Variants in DMXL2 observed in about 807,000 individuals in gnomAD.
DMXL2 encodes dmX-like protein 2.
A neutral mutation model predicts 331.1 loss-of-function variants in DMXL2; 103 were observed. The ratio of observed to expected loss-of-function variants is 0.31; its 90% CI spans 0.27 to 0.37. The LOEUF (loss-of-function observed/expected upper bound fraction) is 0.37. DMXL2 is among the 10% of genes least tolerant of loss of function. The pLI is 1.00. For synonymous variants in DMXL2, 1,281 were observed against 1,252.1 expected (o/e 1.02, Z -0.49); for missense variants, 3,171 against 3,642.9 (o/e 0.87, Z 3.33).
In DMXL2 at chr15:51,499,161, A is replaced by G; in HGVS notation, c.4063T>C (p.Leu1355=). 1 of 1,614,070 alleles carries G rather than the reference A, an allele frequency of 6.2e-7. No individual in the cohort carries two copies. The highest frequency in any genetic ancestry group is 8.5e-7 in the Non-Finnish European group (1 of 1,179,986). ...CTTCGCACTTTCCCTAAATCCATCAATTCTAACAGCTGAGTTGGATGATAT... is the reference window on the plus strand; with the variant it reads ...CTTCGCACTTTCCCTAAATCCATCAGTTCTAACAGCTGAGTTGGATGATAT... ...PQYHPTQLLE[L]MDLGKVRRAK... The change falls in exon 18 of 44, where the codon TTG becomes CTG. Residue 1355 remains leucine (L), a synonymous_variant. Transcript: ENST00000560891.
intron 20 of DMXL2, among the ~76,000 whole-genome samples, chr15:51,491,049 G>A (rs564063258): frequency 2.7e-4 from 41 of 152,114 alleles, no homozygotes; most frequent in Middle Eastern, 3.4e-3. Flanking sequence ...ATTATTCCAC[G>A]GATATATTAT....
chr15:51,613,938 C>T (rs948375940), intron 1 of DMXL2, among the ~76,000 whole-genome samples: 3 of 152,150 alleles, frequency 2.0e-5, no homozygotes, highest in African/African-American at 7.2e-5. Flanking sequence ...TTTTCAATTC[C>T]AGGACCAGCT....
At chr15:51,594,286 C>A (rs926019288) in intron 1 of DMXL2, among the ~76,000 whole-genome samples, 1 of 152,156 alleles carries the variant, frequency 6.6e-6, no homozygotes, top group Non-Finnish European at 1.5e-5. Context: ...ACTATAAACA[C>A]CTCTACACAA....
chr15:51,615,020 G>A (rs1241211153), intron 1 of DMXL2, among the ~76,000 whole-genome samples: 4 of 152,154 alleles, frequency 2.6e-5, no homozygotes, highest in East Asian at 3.8e-4. Flanking sequence ...GATTCTGGAC[G>A]CATTTTGAAG....
intron 29 of DMXL2, among the ~76,000 whole-genome samples, chr15:51,470,815 T>C (rs1364067553): frequency 1.3e-5 from 2 of 152,152 alleles, no homozygotes; most frequent in African/African-American, 4.8e-5. Flanking sequence ...CAGAGATGTA[T>C]CATGGGGCCT....
At position 51,575,968 on chromosome 15, in the gene DMXL2, C is replaced by G. The variant is rs536480409; in HGVS notation, c.213+88G>C. ...CCCAAGCAATACATAAGAAATTATA[C>G]GCAAGCTTTGCATAAAAGGATAAGA... is the stretch of plus-strand genomic sequence containing the variant. On this transcript the variant is annotated intron_variant, in intron 2 of 43. Coordinates refer to ENST00000560891, the MANE Select transcript of DMXL2 (RefSeq NM_001378457.1). The G allele has an allele frequency of 5.3e-6, 7 of 1,325,324 alleles. No homozygotes were observed. In the African/African-American group the frequency reaches 1.0e-4, roughly 20 times the overall value. The allele number at this position is 1,325,324 out of a possible 1,614,324, so 82.1% of individuals were successfully genotyped here.
chr15:51,552,351 G>C (rs2049275667), intron 6 of DMXL2, among the ~76,000 whole-genome samples: 1 of 152,178 alleles, frequency 6.6e-6, no homozygotes, highest in Non-Finnish European at 1.5e-5. Context: ...CTACTGTAAA[G>C]GTCTGCAGCC....
chr15:51,593,732 A>C (rs2052575073), intron 1 of DMXL2, among the ~76,000 whole-genome samples: 2 of 152,254 alleles, frequency 1.3e-5, no homozygotes, highest in Admixed American at 6.5e-5. Flanking sequence ...ACCACAGTGC[A>C]ATCAAACTAG....
At chr15:51,486,043 G>T in intron 23 of DMXL2, 30 bp downstream of exon 23, 2 of 1,530,240 alleles carry the variant, frequency 1.3e-6, no homozygotes, top group Non-Finnish European at 8.8e-7. Flanking sequence ...CTTTAAAAAA[G>T]AAAAAAAAGA....
At position 51,480,825 on chromosome 15, in the gene DMXL2, A is replaced by G; in HGVS notation, c.6281T>C (p.Ile2094Thr). 1 of 1,612,498 alleles carries G rather than the reference A, an allele frequency of 6.2e-7. No individual in the cohort carries two copies. The highest frequency in any genetic ancestry group is 8.5e-7 in the Non-Finnish European group (1 of 1,179,350). ...LHEICNHESVIKEYSSKTYSK... is the reference protein window; with the variant it reads ...LHEICNHESVTKEYSSKTYSK... ...ATATGTCTTACTGGAATACTCTTTA[A>G]TAACTGATTCATGATTACATATCTC... Residue 2094 changes from isoleucine (I) to threonine (T), a missense_variant, in exon 24 of 44, where the codon ATT (isoleucine) becomes ACT (threonine). Around this residue, in one of 7 missense-constraint regions of DMXL2, gnomAD observed 197 missense variants for 196.2 expected, o/e 1.00. Coordinates refer to ENST00000560891, the MANE Select transcript of DMXL2 (RefSeq NM_001378457.1).
chr15:51,450,903 T>C (rs565659121), intron 42 of DMXL2, among the ~76,000 whole-genome samples: 1 of 152,044 alleles, frequency 6.6e-6, no homozygotes, highest in East Asian at 1.9e-4. Flanking sequence ...GAGAATTAAC[T>C]ACATATTTCA....
chr15:51,453,580 A>G lies in DMXL2; in HGVS notation c.8666T>C (p.Val2889Ala), dbSNP rs2141195435. ...DFAFITSSSL[V>A]ATSGHSNDNR... ...GTCATTGGAGTGTCCAGATGTGGCAACTAGACTTGAAGAGGTAATAAATGC... is the reference window on the plus strand; with the variant it reads ...GTCATTGGAGTGTCCAGATGTGGCAGCTAGACTTGAAGAGGTAATAAATGC... The change falls in exon 41 of 44, where the codon GTT becomes GCT. Residue 2889 changes from valine (V) to alanine (A), a missense_variant. Val to Ala is a moderately conservative substitution (Grantham distance 64). This residue lies in a region of DMXL2 where 766 missense variants were observed against 940.5 expected (regional missense o/e 0.81). Coordinates refer to ENST00000560891, the MANE Select transcript of DMXL2 (RefSeq NM_001378457.1). The G allele has an allele frequency of 6.2e-7, 1 of 1,613,728 alleles. No homozygotes were observed. Among genetic ancestry groups the G allele is most frequent in the East Asian group, 2.2e-5 (1 of 44,812 alleles).
chr15:51,564,519 C>A (rs1318070056), intron 4 of DMXL2, among the ~76,000 whole-genome samples: 2 of 151,650 alleles, frequency 1.3e-5, no homozygotes, highest in Middle Eastern at 3.2e-3. Flanking sequence ...TCAAGCAAGT[C>A]AAAAAAACTA....
chr15:51,570,017 C>A (rs1209949172), intron 2 of DMXL2, among the ~76,000 whole-genome samples: 1 of 152,014 alleles, frequency 6.6e-6, no homozygotes, highest in African/African-American at 2.4e-5. Context: ...CATGTTCTAA[C>A]CCAGTGCAAG....
In DMXL2 at chr15:51,498,789, T is replaced by C. The variant is rs759318735; in HGVS notation, c.4435A>G (p.Thr1479Ala). 19 of 1,614,074 alleles carry C rather than the reference T, an allele frequency of 1.2e-5. No homozygotes were observed. The highest frequency in any genetic ancestry group is 2.2e-5 in the East Asian group (1 of 44,884). Residue 1479 changes from threonine (T) to alanine (A), a missense_variant, in exon 18 of 44, where the codon ACG becomes GCG. By Grantham distance (58) the Thr-to-Ala change is moderately conservative. Transcript: ENST00000560891. ...TCAGGCTCTAAATCAATATCATCCG[T>C]TGGTATATCCTGGATTTGAAACAGC... ...SELFQIQDIPTDDIDLEPEKR... is the reference protein window; with the variant it reads ...SELFQIQDIPADDIDLEPEKR...
At chr15:51,533,833 T>C (rs1212448356) in intron 13 of DMXL2, among the ~76,000 whole-genome samples, 1 of 152,230 alleles carries the variant, frequency 6.6e-6, no homozygotes, top group Non-Finnish European at 1.5e-5. Flanking sequence ...TCTTCAGACC[T>C]GCCTATTTAT....
intron 1 of DMXL2, among the ~76,000 whole-genome samples, chr15:51,610,978 A>G (rs1036175464): frequency 2.6e-5 from 4 of 152,184 alleles, no homozygotes; most frequent in South Asian, 2.1e-4. Flanking sequence ...TGTAGAATGC[A>G]GAGAATGCAG....
intron 1 of DMXL2, among the ~76,000 whole-genome samples, chr15:51,588,566 A>T (rs927775250): frequency 6.6e-6 from 1 of 152,196 alleles, no homozygotes; most frequent in African/African-American, 2.4e-5. Flanking sequence ...TACCAACATA[A>T]ATTAATATTT....
intron 1 of DMXL2, among the ~76,000 whole-genome samples, chr15:51,579,968 T>C (rs889816330): frequency 6.6e-6 from 1 of 152,222 alleles, no homozygotes; most frequent in Admixed American, 6.5e-5. Context: ...CCTAGTTCAC[T>C]GAATGAGGAT....
Sources: gnomAD v4.1 joint callset for allele counts (sites outside exome capture counted in the v4.1 genomes callset) on GRCh38, gnomAD v4.1.1 for gene constraint, gnomAD v4.1.1 regional missense constraint, MANE v1.5 for transcripts, NCBI Gene and HGNC (gene_info 2026-07-23, HGNC 2026-07-21) for gene names.